Variants in TINAG observed in about 807,000 individuals in gnomAD.
The protein encoded by TINAG is tubulointerstitial nephritis antigen.
In TINAG, 83 loss-of-function variants were observed where a neutral mutation model predicts 72.7. The ratio of observed to expected loss-of-function variants is 1.14; its 90% CI spans 0.96 to 1.37. The LOEUF (loss-of-function observed/expected upper bound fraction) is 1.37, where lower values mean the gene tolerates loss of function less well. TINAG is among the 40% of genes most tolerant of loss of function. The pLI is 0.00. For synonymous variants in TINAG, 234 were observed against 189.9 expected (o/e 1.23, Z -1.91); for missense variants, 685 against 576.6 (o/e 1.19, Z -1.93).
chr6:54,355,106 A>G (rs1354494665), intron 9 of TINAG, among the ~76,000 whole-genome samples: 1 of 151,912 alleles, frequency 6.6e-6, no homozygotes, highest in African/African-American at 2.4e-5. Context: ...TAAGTAAAAT[A>G]TATTAATCTA....
intron 9 of TINAG, among the ~76,000 whole-genome samples, chr6:54,378,472 C>A (rs199941658): frequency 6.6e-6 from 1 of 152,062 alleles, no homozygotes; most frequent in African/African-American, 2.4e-5. Flanking sequence ...TACAGCAACT[C>A]TAAAGAGCTG....
chr6:54,318,989 A>G (rs1247591556), intron 1 of TINAG, among the ~76,000 whole-genome samples: 1 of 152,024 alleles, frequency 6.6e-6, no homozygotes, highest in Non-Finnish European at 1.5e-5. Context: ...AGTGTTGATG[A>G]TTTGGGGTGG....
intron 4 of TINAG, among the ~76,000 whole-genome samples, chr6:54,332,780 A>T (rs1258292218): frequency 1.3e-5 from 2 of 152,202 alleles, no homozygotes; most frequent in Non-Finnish European, 2.9e-5. Context: ...AAGAAAAACA[A>T]ACAACCCCAT....
intron 9 of TINAG, among the ~76,000 whole-genome samples, chr6:54,377,167 T>C (rs1004074557): frequency 3.4e-4 from 51 of 152,036 alleles, no homozygotes; most frequent in African/African-American, 1.2e-3. Flanking sequence ...AAATAGCCAG[T>C]ATTAAGATCT....
At position 54,326,826 on chromosome 6, in the gene TINAG, A is replaced by G. The variant is rs1784613046; in HGVS notation, c.534A>G (p.Gln178=). The G allele has an allele frequency of 1.9e-6, 3 of 1,611,366 alleles. No homozygotes were observed. The highest frequency in any genetic ancestry group is 1.7e-6 in the Non-Finnish European group (2 of 1,179,306). ...DYGWTAQNYS[Q]FWGMTLEDGF... ...GATGGACAGCACAGAATTACAGCCA[A>G]TTTTGGGGAATGACTTTAGAAGATG... The change falls in exon 4 of 11, where the codon CAA becomes CAG. Residue 178 remains glutamine, a synonymous_variant. Transcript: ENST00000259782.
At chr6:54,385,436 A>G (rs1764070597) in intron 10 of TINAG, among the ~76,000 whole-genome samples, 1 of 151,946 alleles carries the variant, frequency 6.6e-6, no homozygotes, top group Non-Finnish European at 1.5e-5. Flanking sequence ...CTTATCAAAA[A>G]CCTACACAGG....
chr6:54,333,867 C>T (rs1271088202), intron 4 of TINAG, among the ~76,000 whole-genome samples: 1 of 151,924 alleles, frequency 6.6e-6, no homozygotes, highest in South Asian at 2.1e-4. Flanking sequence ...GACATATATG[C>T]CTTGATGATT....
intron 9 of TINAG, chr6:54,367,020 T>C (rs1763451594): frequency 6.6e-6 from 1 of 151,742 alleles, no homozygotes; most frequent in African/African-American, 2.4e-5. Context: ...TTGGAGCCTA[T>C]CCTGGCTTTC....
intron 9 of TINAG, among the ~76,000 whole-genome samples, chr6:54,357,914 C>G (rs1389955467): frequency 6.6e-6 from 1 of 151,850 alleles, no homozygotes; most frequent in African/African-American, 2.4e-5. Context: ...AGATTAAAAG[C>G]CAAATTTCTC....
At chr6:54,356,261 G>T (rs59724813) in intron 9 of TINAG, among the ~76,000 whole-genome samples, 2,048 of 152,026 alleles carry the variant, frequency 0.013, 59 homozygotes, top group African/African-American at 0.046. Flanking sequence ...CAGGCCAGGT[G>T]TGGTGGCTCA....
chr6:54,351,425 C>G (rs1422517953), intron 8 of TINAG, 28 bp downstream of exon 8: 3 of 1,600,996 alleles, frequency 1.9e-6, no homozygotes, highest in Non-Finnish European at 2.6e-6. Context: ...ACGGTTTTTT[C>G]TTACTCATTC....
At chr6:54,326,498 G>A (rs1784605932) in intron 3 of TINAG, among the ~76,000 whole-genome samples, 1 of 151,792 alleles carries the variant, frequency 6.6e-6, no homozygotes, top group Non-Finnish European at 1.5e-5. Context: ...GCATTTAATG[G>A]CATTTAAAGG....
chr6:54,330,525 C>A (rs557012983), intron 4 of TINAG, among the ~76,000 whole-genome samples: 1 of 151,976 alleles, frequency 6.6e-6, no homozygotes, highest in East Asian at 1.9e-4. Flanking sequence ...AACAGACACC[C>A]TAATATCACA....
At chr6:54,371,981 G>GTTTTTTTTTTTTTGTTTTTTT (rs1763624949) in intron 9 of TINAG, among the ~76,000 whole-genome samples, 2 of 71,420 alleles carry the variant, frequency 2.8e-5, no homozygotes, top group African/African-American at 1.0e-4. Context: ...TTCAAGTCAT[G>GTTTTTTTTTTTTTGTTTTTTT]TTTTTTTTTT....
At chr6:54,323,837 C>T (rs1479568031) in intron 3 of TINAG, among the ~76,000 whole-genome samples, 1 of 152,064 alleles carries the variant, frequency 6.6e-6, no homozygotes, top group East Asian at 1.9e-4. Context: ...GTCTGTAGTC[C>T]CAGCTACTCG....
Position 54,308,863 on chromosome 6 carries a change from G to A in TINAG, c.313G>A (p.Glu105Lys). 6.2e-7 allele frequency: 1 copy of A among 1,613,282 alleles called. No individual in the cohort carries two copies. The highest frequency in any genetic ancestry group is 8.5e-7 in the Non-Finnish European group (1 of 1,179,672). ...TGACTACAAGTCCTTTTGCCGTGAA[G>A]AGAAAGAATGGCCTCCTCACACACA... ...CPDYKSFCRE[E>K]KEWPPHTQPW... is the part of the protein sequence containing the mutation. The change falls in exon 1 of 11, where the codon GAG becomes AAG. Residue 105 changes from glutamate to lysine, a missense_variant. Physicochemically the swap from Glu to Lys is moderately conservative, Grantham distance 56. Coordinates refer to ENST00000259782, the MANE Select transcript of TINAG (RefSeq NM_014464.4).
chr6:54,348,881 T>A (rs1785193317), intron 6 of TINAG, among the ~76,000 whole-genome samples: 1 of 152,270 alleles, frequency 6.6e-6, no homozygotes, highest in East Asian at 1.9e-4. Flanking sequence ...CAGATTCTCA[T>A]ACTGTGTTGG....
At position 54,367,432 on chromosome 6, in the gene TINAG, T is replaced by C. The variant is rs185718391; in HGVS notation, c.1250+12796T>C. Reference sequence around the variant, plus strand: ...TACATAAATTTGCCTGACCTTGAAGTGCACATAGTCTAATAGTGGAGACAG... The same window carrying C: ...TACATAAATTTGCCTGACCTTGAAGCGCACATAGTCTAATAGTGGAGACAG... On this transcript the variant is annotated intron_variant, in intron 9 of 10. Transcript: ENST00000259782. 7.5e-4 allele frequency among the ~76,000 whole-genome samples: 114 copies of C among 151,948 alleles called. 2 individuals carry two copies. The highest frequency in any genetic ancestry group is 2.7e-3 in the African/African-American group (112 of 41,542).
intron 7 of TINAG, among the ~76,000 whole-genome samples, chr6:54,350,905 C>T (rs1785249780): frequency 6.6e-6 from 1 of 151,496 alleles, no homozygotes; most frequent in Non-Finnish European, 1.5e-5. Flanking sequence ...ACTTTGTGCT[C>T]AATATGTACA....
Sources: allele counts gnomAD v4.1 joint callset (sites outside exome capture counted in the v4.1 genomes callset), GRCh38; gene constraint gnomAD v4.1.1; transcripts MANE v1.5; gene names NCBI Gene and HGNC (gene_info 2026-07-23, HGNC 2026-07-21).